Variants in ZYG11B observed in about 807,000 individuals in gnomAD.
ZYG11B encodes zyg-11 family member B, cell cycle regulator.
In ZYG11B, 36 loss-of-function variants were observed where a neutral mutation model predicts 82.4. The observed-to-expected ratio is 0.44, with a 90% CI of 0.33 to 0.58. The LOEUF (loss-of-function observed/expected upper bound fraction) is 0.58. ZYG11B is among the 20% of genes least tolerant of loss of function. The pLI is 0.02. For synonymous variants in ZYG11B, 303 were observed against 312.8 expected (o/e 0.97, Z 0.33); for missense variants, 552 against 895.6 (o/e 0.62, Z 4.90).
chr1:52,774,061 C>T (rs1423341159), intron 3 of ZYG11B, among the ~76,000 whole-genome samples: 1 of 151,926 alleles, frequency 6.6e-6, no homozygotes, highest in Non-Finnish European at 1.5e-5. Context: ...AGAGGTGAGA[C>T]CCAGGCATCA....
chr1:52,771,024 A>T lies in ZYG11B; in HGVS notation c.201A>T (p.Leu67=), dbSNP rs754115260. The change falls in exon 3 of 14, where the codon CTA becomes CTT. Residue 67 remains leucine, a synonymous_variant. Transcript: ENST00000294353. This position sits in a 1 kb window ranked among gnomAD's most constrained non-coding sequence, Gnocchi z 5.4. ...ACGCTGCTTGTTTTTCCACAGGTCT[A>T]TTGAATGATGGAACTGTGGGTATTT... is the stretch of plus-strand genomic sequence containing the variant. ...RLLRTMAFHG[L]LNDGTVGIFR... The T allele has an allele frequency of 3.3e-5, 53 of 1,609,622 alleles. No individual in the cohort carries two copies. The Admixed American group carries it at 3.7e-4, about 11-fold the overall frequency.
chr1:52,808,581 G>A (rs1439810519), intron 10 of ZYG11B, among the ~76,000 whole-genome samples: 5 of 152,014 alleles, frequency 3.3e-5, no homozygotes, highest in African/African-American at 4.8e-5. Context: ...GTCCAGGCTG[G>A]TCTCAAACTC....
intron 10 of ZYG11B, among the ~76,000 whole-genome samples, chr1:52,807,734 A>G (rs1450875435): frequency 2.6e-5 from 4 of 151,866 alleles, no homozygotes; most frequent in African/African-American, 9.7e-5. Context: ...CAAGTGATCC[A>G]CCCACCTTGG....
chr1:52,766,332 G>T (rs1644689692), intron 2 of ZYG11B, among the ~76,000 whole-genome samples: 1 of 151,516 alleles, frequency 6.6e-6, no homozygotes, highest in Admixed American at 6.6e-5. Flanking sequence ...TGTTGGTCAG[G>T]CTGGTCGCGA....
rs1371477696 is a variant in ZYG11B, at chr1:52,796,983, TA to T, written c.1485+200del. Among the ~76,000 whole-genome samples the T allele has an allele frequency of 2.0e-4, 13 of 65,030 alleles. No homozygotes were observed. The East Asian group carries it at 2.8e-3, about 14-fold the overall frequency. The allele number at this position is 65,030 out of a possible 152,430, so 42.7% of individuals were successfully genotyped here. On this transcript the variant is annotated intron_variant, in intron 8 of 13. Transcript: ENST00000294353. ...ATTATATATAATATATATAAATATA[TA>T]TATTTTTTATATAAATATATTATAT...
chr1:52,794,844 C>T (rs570204768), intron 6 of ZYG11B, among the ~76,000 whole-genome samples: 3 of 152,308 alleles, frequency 2.0e-5, no homozygotes, highest in South Asian at 4.1e-4. Context: ...ATCCATTTCT[C>T]TTCACTTCCA....
rs185563385 is a variant in ZYG11B, at chr1:52,786,168, A to G, written c.1269+1115A>G. 2.2e-4 allele frequency among the ~76,000 whole-genome samples: 33 copies of G among 152,350 alleles called. No individual in the cohort carries two copies. In the East Asian group the frequency reaches 6.2e-3, roughly 28 times the overall value. ...AATTCCAAGAATTGGTTCTTTGAAC[A>G]TATTTAATAGTATTGAAAATTCACT... On this transcript the variant is annotated intron_variant, in intron 5 of 13. Transcript: ENST00000294353.
chr1:52,745,803 A>G (rs900371201), intron 1 of ZYG11B, among the ~76,000 whole-genome samples: 4 of 150,504 alleles, frequency 2.7e-5, no homozygotes, highest in African/African-American at 9.8e-5. Flanking sequence ...ACCTCAAGCA[A>G]TCCACCCATC....
At chr1:52,763,252 TTG>T (rs1269895560) in intron 2 of ZYG11B, among the ~76,000 whole-genome samples, 1 of 152,226 alleles carries the variant, frequency 6.6e-6, no homozygotes, top group Non-Finnish European at 1.5e-5. Flanking sequence ...TTTATTCCTT[TTG>T]CATAGGATTG....
At chr1:52,772,250 C>T in intron 3 of ZYG11B, 1 of 1,318,560 alleles carries the variant, frequency 7.6e-7, no homozygotes, top group Non-Finnish European at 1.1e-6. Flanking sequence ...GGAGGGAGGA[C>T]TCGCTTGGTC....
rs374497681 is a variant in ZYG11B at position 52,790,858 on chromosome 1, G to A, written c.1334+791G>A. Among the ~76,000 whole-genome samples the A allele has an allele frequency of 6.3e-4, 92 of 147,086 alleles. No homozygotes were observed. In the South Asian group the frequency reaches 0.01, roughly 17 times the overall value. ...TATGGAAGAAACTTTTTAAGGAGAG[G>A]TTAAGGGAGGCCATATAACTAGATT... On this transcript the variant is annotated intron_variant, in intron 6 of 13. Coordinates refer to ENST00000294353, the MANE Select transcript of ZYG11B (RefSeq NM_024646.3).
intron 8 of ZYG11B, among the ~76,000 whole-genome samples, chr1:52,798,502 G>T (rs1460136983): frequency 1.3e-5 from 2 of 151,632 alleles, no homozygotes; most frequent in Admixed American, 6.6e-5. Flanking sequence ...TCCCAGCTAC[G>T]CAAGAGGCTG....
chr1:52,787,735 A>G (rs1318082435), intron 5 of ZYG11B, among the ~76,000 whole-genome samples: 1 of 152,184 alleles, frequency 6.6e-6, no homozygotes, highest in Non-Finnish European at 1.5e-5. Context: ...TTATGCCTAC[A>G]TATATTTTGT....
At chr1:52,780,346 A>ATTT (rs975614472) in intron 4 of ZYG11B, among the ~76,000 whole-genome samples, 24 of 152,222 alleles carry the variant, frequency 1.6e-4, no homozygotes, top group African/African-American at 5.8e-4. Flanking sequence ...TCCCAAATAG[A>ATTT]TTTTTTAGAA....
chr1:52,812,507 A>G (rs1053684031), intron 10 of ZYG11B, among the ~76,000 whole-genome samples: 2 of 151,920 alleles, frequency 1.3e-5, no homozygotes, highest in African/African-American at 2.4e-5. Context: ...GGTTCAAGCA[A>G]TTCTCCTGCC....
At chr1:52,804,779 T>C (rs1175401821) in intron 10 of ZYG11B, among the ~76,000 whole-genome samples, 1 of 152,070 alleles carries the variant, frequency 6.6e-6, no homozygotes, top group East Asian at 1.9e-4. Flanking sequence ...AAAGCCATTT[T>C]ATTTTATTTT....
At chr1:52,817,777 G>GTGTGTGTA (rs1352242565) in intron 13 of ZYG11B, among the ~76,000 whole-genome samples, 4 of 41,540 alleles carry the variant, frequency 9.6e-5, no homozygotes, top group African/African-American at 1.2e-4. Flanking sequence ...ATATATATGT[G>GTGTGTGTA]TATATATATA....
chr1:52,773,621 ATATATATTTTTTTT>A (rs1313347635), intron 3 of ZYG11B, among the ~76,000 whole-genome samples: 2 of 25,980 alleles, frequency 7.7e-5, no homozygotes, highest in African/African-American at 2.6e-4. Flanking sequence ...ATATATATAT[ATATATATTTTTTTT>A]TTTTTTTTTT....
At chr1:52,747,580 T>C (rs1271244782) in intron 1 of ZYG11B, among the ~76,000 whole-genome samples, 1 of 151,062 alleles carries the variant, frequency 6.6e-6, no homozygotes, top group Non-Finnish European at 1.5e-5. Context: ...AACTCACTCT[T>C]TTTTTTTTCT....
Sources: allele counts gnomAD v4.1 joint callset (sites outside exome capture counted in the v4.1 genomes callset), GRCh38; gene constraint gnomAD v4.1.1; non-coding constraint Gnocchi (gnomAD v3.1); transcripts MANE v1.5; gene names NCBI Gene and HGNC (gene_info 2026-07-23, HGNC 2026-07-21).